TMEM132B: variants seen among roughly 807,000 people sequenced by gnomAD.
The protein encoded by TMEM132B is transmembrane protein 132B.
A neutral mutation model predicts 90.8 loss-of-function variants in TMEM132B; 18 were observed. That is an observed-to-expected ratio of 0.20 (90% CI 0.14 to 0.29). The LOEUF (loss-of-function observed/expected upper bound fraction) is 0.29, where lower values mean the gene tolerates loss of function less well. Among genes scored for constraint, TMEM132B ranks in the 10% least tolerant of loss-of-function variants. The pLI, the probability that TMEM132B is intolerant of heterozygous loss-of-function variation, is 1.00. For missense variants in TMEM132B, 1,096 were observed against 1,326.8 expected (o/e 0.83, Z 2.70); for synonymous variants, 504 against 523.3 (o/e 0.96, Z 0.50).
At chr12:125,639,151 C>T (rs1434400111) in intron 5 of TMEM132B, among the ~76,000 whole-genome samples, 1 of 152,146 alleles carries the variant, frequency 6.6e-6, no homozygotes, top group Non-Finnish European at 1.5e-5. Context: ...TGTCATCTCC[C>T]CACACCCCTC....
intron 1 of TMEM132B, among the ~76,000 whole-genome samples, chr12:125,249,430 C>T (rs1206494208): frequency 6.6e-6 from 1 of 152,072 alleles, no homozygotes; most frequent in African/African-American, 2.4e-5. Flanking sequence ...TTCTTTGAAC[C>T]ACATTGCCGA....
rs753990097 is a variant in TMEM132B at position 125,654,683 on chromosome 12, T to C, written c.3225T>C (p.Tyr1075=). ...GGGATTCACAGGACTTTAGAGACTATATGGAAAGTCTGCAAGACCAGATGT... is the reference window on the plus strand; with the variant it reads ...GGGATTCACAGGACTTTAGAGACTACATGGAAAGTCTGCAAGACCAGATGT... The part of the protein sequence containing the change: ...GLGDSQDFRD[Y]MESLQDQM The change falls in exon 9 of 9, where the codon TAT becomes TAC. Residue 1075 remains tyrosine, a synonymous_variant. Coordinates refer to ENST00000682704, the MANE Select transcript of TMEM132B (RefSeq NM_001366854.1). This position sits in a 1 kb window ranked among gnomAD's most constrained non-coding sequence, Gnocchi z 5.8. 5.0e-6 allele frequency: 8 copies of C among 1,613,364 alleles called. No homozygotes were observed. Among genetic ancestry groups the C allele is most frequent in the South Asian group, 3.3e-5 (3 of 90,982 alleles).
At chr12:125,372,921 A>C (rs894309625) in intron 2 of TMEM132B, among the ~76,000 whole-genome samples, 3 of 152,108 alleles carry the variant, frequency 2.0e-5, no homozygotes, top group East Asian at 3.9e-4. Flanking sequence ...TTTCCCTGGA[A>C]TGCTCTTCCC....
At chr12:125,280,969 G>A (rs1056024502) in intron 1 of TMEM132B, among the ~76,000 whole-genome samples, 5 of 152,232 alleles carry the variant, frequency 3.3e-5, no homozygotes, top group South Asian at 2.1e-4. Flanking sequence ...AAATGAAAGT[G>A]ATTTCCATGA....
rs370411143 is a variant in TMEM132B, at chr12:125,624,556, A to G, written c.1438-19520A>G. Among the ~76,000 whole-genome samples, 44 of 152,278 alleles carry G rather than the reference A, an allele frequency of 2.9e-4. 1 individual carries two copies. Among genetic ancestry groups the G allele is most frequent in the African/African-American group, 1.0e-3 (43 of 41,568 alleles). On this transcript the variant is annotated intron_variant, in intron 5 of 8. Coordinates refer to ENST00000682704, the MANE Select transcript of TMEM132B (RefSeq NM_001366854.1). Reference sequence around the variant, plus strand: ...GTGACTGGGGATTCCTCAAGCCCCAAGGTTCGTGGACTTATTGTCCTCGAG... The same window carrying G: ...GTGACTGGGGATTCCTCAAGCCCCAGGGTTCGTGGACTTATTGTCCTCGAG...
intron 1 of TMEM132B, among the ~76,000 whole-genome samples, chr12:125,257,343 C>A (rs1874461681): frequency 6.6e-6 from 1 of 152,136 alleles, no homozygotes; most frequent in East Asian, 1.9e-4. Context: ...CTGGAGGCTC[C>A]CTGTTTCTAC....
chr12:125,188,456 G>A (rs1957772765), intron 1 of TMEM132B, among the ~76,000 whole-genome samples: 1 of 152,152 alleles, frequency 6.6e-6, no homozygotes, highest in Non-Finnish European at 1.5e-5. Context: ...GCCTGGATGT[G>A]CTTATAAGTG....
At chr12:125,321,260 T>C (rs529637477) in intron 1 of TMEM132B, among the ~76,000 whole-genome samples, 12 of 152,344 alleles carry the variant, frequency 7.9e-5, no homozygotes, top group African/African-American at 2.9e-4. Context: ...AGTCAAACTT[T>C]TACATTTTGT....
chr12:125,638,975 C>T (rs1280022494), intron 5 of TMEM132B, among the ~76,000 whole-genome samples: 1 of 152,154 alleles, frequency 6.6e-6, no homozygotes, highest in Non-Finnish European at 1.5e-5. Flanking sequence ...TAACATGACA[C>T]AAATCATCTG....
At chr12:125,627,296 C>G (rs1170181748) in intron 5 of TMEM132B, among the ~76,000 whole-genome samples, 1 of 151,934 alleles carries the variant, frequency 6.6e-6, no homozygotes, top group Non-Finnish European at 1.5e-5. Context: ...GAGTCTAGTT[C>G]TAATTATTGA....
In TMEM132B at chr12:125,562,766, T is replaced by C. The variant is rs770641429; in HGVS notation, c.1294-21085T>C. Among the ~76,000 whole-genome samples, 7 of 152,172 alleles carry C rather than the reference T, an allele frequency of 4.6e-5. 1 individual carries two copies. The highest frequency in any genetic ancestry group is 4.1e-4 in the South Asian group (2 of 4,832). Reference sequence around the variant, plus strand: ...GTTCTATAAGGGGAAACCCCTTTTCTTAGTTCTCATTTTCCCTCTTTTCCT... The same window carrying C: ...GTTCTATAAGGGGAAACCCCTTTTCCTAGTTCTCATTTTCCCTCTTTTCCT... On this transcript the variant is annotated intron_variant, in intron 4 of 8. Transcript: ENST00000682704.
intron 1 of TMEM132B, among the ~76,000 whole-genome samples, chr12:125,221,024 A>C (rs1246781290): frequency 6.6e-6 from 1 of 152,182 alleles, no homozygotes; most frequent in African/African-American, 2.4e-5. Flanking sequence ...CCCTCAGTTC[A>C]TGACTTTAGC....
At chr12:125,264,020 A>AG (rs1407172715) in intron 1 of TMEM132B, among the ~76,000 whole-genome samples, 1 of 152,210 alleles carries the variant, frequency 6.6e-6, no homozygotes, top group African/African-American at 2.4e-5. Context: ...AGAGGTTGGA[A>AG]GTCTGAAATG....
intron 3 of TMEM132B, among the ~76,000 whole-genome samples, chr12:125,454,026 T>C (rs1252412082): frequency 2.0e-5 from 3 of 152,178 alleles, no homozygotes; most frequent in Non-Finnish European, 4.4e-5. Context: ...TTGTTTTGCT[T>C]CTGCACATGG....
chr12:125,238,328 G>C (rs1873981775), intron 1 of TMEM132B, among the ~76,000 whole-genome samples: 1 of 147,058 alleles, frequency 6.8e-6, no homozygotes, highest in African/African-American at 2.5e-5. Flanking sequence ...ACTCCAGCCT[G>C]GGTTACAGAG....
chr12:125,446,779 A>G (rs1379666916), intron 3 of TMEM132B, among the ~76,000 whole-genome samples: 1 of 152,178 alleles, frequency 6.6e-6, no homozygotes, highest in Non-Finnish European at 1.5e-5. Context: ...AGCCACCAAG[A>G]CTGGTATTGC....
intron 3 of TMEM132B, among the ~76,000 whole-genome samples, chr12:125,476,623 G>A (rs1881889825): frequency 6.6e-6 from 1 of 152,202 alleles, no homozygotes; most frequent in Admixed American, 6.5e-5. Context: ...GTGCTAATAT[G>A]TTTTGGTGGG....
intron 3 of TMEM132B, among the ~76,000 whole-genome samples, chr12:125,486,051 G>A (rs1452618355): frequency 6.6e-6 from 1 of 152,184 alleles, no homozygotes; most frequent in Admixed American, 6.5e-5. Context: ...TGTGGGCAGA[G>A]TAGAGGTGGT....
At position 125,284,447 on chromosome 12, in the gene TMEM132B, C is replaced by T. The variant is rs139712695; in HGVS notation, c.68-65005C>T. On this transcript the variant is annotated intron_variant, in intron 1 of 8. Coordinates refer to ENST00000682704, the MANE Select transcript of TMEM132B (RefSeq NM_001366854.1). ...GTGGACAGAACAAAGACCCCGCTGC[C>T]GTGGAGCAGGGGTTAGACCGCAAAG... Among the ~76,000 whole-genome samples the T allele has an allele frequency of 3.0e-3, 452 of 152,310 alleles. 2 individuals are homozygous for T. Among genetic ancestry groups the T allele is most frequent in the African/African-American group, 0.01 (434 of 41,566 alleles).
Sources: allele counts gnomAD v4.1 joint callset (sites outside exome capture counted in the v4.1 genomes callset), GRCh38; gene constraint gnomAD v4.1.1; non-coding constraint Gnocchi (gnomAD v3.1); transcripts MANE v1.5; gene names NCBI Gene and HGNC (gene_info 2026-07-23, HGNC 2026-07-21).